Variants in YY1 observed in about 807,000 individuals in gnomAD.
The protein encoded by YY1 is transcriptional repressor protein YY1.
In YY1, 2 loss-of-function variants were observed where a neutral mutation model predicts 35.6. The observed-to-expected ratio is 0.06, with a 90% CI of 0.02 to 0.18. The LOEUF is 0.18. Among genes scored for constraint, YY1 ranks in the 10% least tolerant of loss-of-function variants. The pLI is 1.00. For synonymous variants in YY1, 268 were observed against 238.9 expected, an observed-to-expected ratio of 1.12 and a Z score of -1.12; for missense variants, 322 against 573.4, an observed-to-expected ratio of 0.56 and a Z score of 4.48.
chr14:100,242,397 T>G (rs557798953), intron 1 of YY1, among the ~76,000 whole-genome samples: 2,232 of 146,038 alleles, frequency 0.015, 84 homozygotes, highest in African/African-American at 0.053. Context: ...TTTTTTTTTT[T>G]TTTTTTTTTG....
intron 2 of YY1, among the ~76,000 whole-genome samples, chr14:100,265,839 A>C (rs1891146574): frequency 6.6e-6 from 1 of 151,876 alleles, no homozygotes; most frequent in East Asian, 1.9e-4. Flanking sequence ...CATAGAGACA[A>C]GGTTTCACCA....
rs1891438717 is a variant in YY1, at chr14:100,281,872, AT to A, written c.*4275del. The A allele has an allele frequency of 6.6e-6, 1 of 152,326 alleles. No individual in the cohort carries two copies. The highest frequency in any genetic ancestry group is 2.4e-5 in the African/African-American group (1 of 41,564). 9.4% of individuals were successfully genotyped at this position (152,326 alleles called of 1,614,324 possible). On this transcript the variant is annotated 3_prime_UTR_variant, in exon 5 of 5. Coordinates refer to ENST00000262238, the MANE Select transcript of YY1 (RefSeq NM_003403.5). ...TGGCCTCTGACCCACAAGAGGGCAG[AT>A]TTGTGGCCAAGAGGCTTCCTGGCAT... is the stretch of plus-strand genomic sequence containing the variant.
intron 1 of YY1, among the ~76,000 whole-genome samples, chr14:100,255,946 T>C (rs78473630): frequency 0.011 from 1,616 of 152,292 alleles, 32 homozygotes; most frequent in African/African-American, 0.037. Flanking sequence ...TCTTTTTCAG[T>C]AGATAATCTT....
At chr14:100,245,361 G>C (rs1478114137) in intron 1 of YY1, among the ~76,000 whole-genome samples, 1 of 152,110 alleles carries the variant, frequency 6.6e-6, no homozygotes, top group Non-Finnish European at 1.5e-5. Context: ...TGCCTAGGCT[G>C]GCCTTGAATT....
At chr14:100,243,238 CTG>C (rs1214952325) in intron 1 of YY1, among the ~76,000 whole-genome samples, 1 of 152,180 alleles carries the variant, frequency 6.6e-6, no homozygotes, top group Non-Finnish European at 1.5e-5. Flanking sequence ...TTGGGTAAAT[CTG>C]TATGTATGTG....
chr14:100,273,552 A>G (rs909705187), intron 2 of YY1, among the ~76,000 whole-genome samples: 1 of 151,584 alleles, frequency 6.6e-6, no homozygotes, highest in African/African-American at 2.4e-5. Context: ...TTTTGTAGAG[A>G]CAGAGTCTCA....
chr14:100,267,905 C>T (rs1956583401), intron 2 of YY1, among the ~76,000 whole-genome samples: 1 of 152,234 alleles, frequency 6.6e-6, no homozygotes, highest in Non-Finnish European at 1.5e-5. Flanking sequence ...ACTGTTTGCA[C>T]CTAGGTGCCC....
At chr14:100,250,382 A>C (rs905502917) in intron 1 of YY1, among the ~76,000 whole-genome samples, 1 of 152,064 alleles carries the variant, frequency 6.6e-6, no homozygotes, top group Non-Finnish European at 1.5e-5. Flanking sequence ...TTTTTGCCAG[A>C]AGTAACCTGG....
chr14:100,247,770 T>C (rs1890855286), intron 1 of YY1, among the ~76,000 whole-genome samples: 1 of 152,144 alleles, frequency 6.6e-6, no homozygotes, highest in African/African-American at 2.4e-5. Context: ...TCCATTCTGT[T>C]TAACTTCATG....
chr14:100,260,446 T>TACACAC (rs71113252), intron 1 of YY1, among the ~76,000 whole-genome samples: 7 of 139,374 alleles, frequency 5.0e-5, no homozygotes, highest in African/African-American at 1.1e-4. Context: ...TATATATATA[T>TACACAC]ACACACACAC....
Position 100,249,760 on chromosome 14 carries a change from G to GTTTTGTT in YY1, c.679+9840_679+9841insTGTTTTT, listed in dbSNP as rs34925666. 9.1e-5 allele frequency among the ~76,000 whole-genome samples: 13 copies of GTTTTGTT among 143,052 alleles called. No homozygotes were observed. The East Asian group carries it at 2.7e-3, about 29-fold the overall frequency. The allele number at this position is 143,052 out of a possible 152,430, so 93.8% of individuals were successfully genotyped here. ...TTTGCTACTTACCGTTTTTTTTTTTGTTTGTTTTTGTTTTTGTTTTTGTTT... is the reference window on the plus strand; with the variant it reads ...TTTGCTACTTACCGTTTTTTTTTTTGTTTTGTTTTTGTTTTTGTTTTTGTTTTTGTTT... On this transcript the variant is annotated intron_variant, in intron 1 of 4. Transcript: ENST00000262238.
chr14:100,241,259 T>C (rs1415094478), intron 1 of YY1, among the ~76,000 whole-genome samples: 1 of 152,238 alleles, frequency 6.6e-6, no homozygotes, highest in Non-Finnish European at 1.5e-5. Context: ...CTCTTCCCTA[T>C]AAGTACTTTA....
At chr14:100,248,283 T>A (rs942401872) in intron 1 of YY1, among the ~76,000 whole-genome samples, 1 of 151,804 alleles carries the variant, frequency 6.6e-6, no homozygotes, top group African/African-American at 2.4e-5. Context: ...GCCTGGCTAA[T>A]TTTTTTTCTT....
chr14:100,256,572 T>G (rs980026236), intron 1 of YY1, among the ~76,000 whole-genome samples: 13 of 152,246 alleles, frequency 8.5e-5, no homozygotes, highest in African/African-American at 3.1e-4. Flanking sequence ...AACATTATGC[T>G]TAGTGAAATA....
rs1319757216 is a variant in YY1 at position 100,281,919 on chromosome 14, T to A, written c.*4319T>A. The A allele has an allele frequency of 6.6e-6, 1 of 152,148 alleles. No individual in the cohort carries two copies. The highest frequency in any genetic ancestry group is 1.5e-5 in the Non-Finnish European group (1 of 68,068). 9.4% of individuals were successfully genotyped at this position (152,148 alleles called of 1,614,324 possible). On this transcript the variant is annotated 3_prime_UTR_variant, in exon 5 of 5. Transcript: ENST00000262238. ...GGCATCCACCCCCAGGCCCAAGGGA[T>A]CAGTGTGGTGCCAGAGAGGATCTTT... is the stretch of plus-strand genomic sequence containing the variant.
At chr14:100,275,778 T>C (rs1891309589) in intron 3 of YY1, 1 of 153,320 alleles carries the variant, frequency 6.5e-6, no homozygotes, top group African/African-American at 2.4e-5. Context: ...TGCTGTCTTA[T>C]CATTTCCCCA....
chr14:100,252,878 GA>G (rs374460768), intron 1 of YY1, among the ~76,000 whole-genome samples: 62 of 149,862 alleles, frequency 4.1e-4, no homozygotes, highest in African/African-American at 1.3e-3. Flanking sequence ...TCTCTACCAG[GA>G]AAAAAAAAAT....
intron 1 of YY1, among the ~76,000 whole-genome samples, chr14:100,247,919 C>T (rs1367468525): frequency 6.6e-6 from 1 of 152,094 alleles, no homozygotes; most frequent in Non-Finnish European, 1.5e-5. Context: ...AATTCTATTC[C>T]TTTACAAACA....
intron 1 of YY1, among the ~76,000 whole-genome samples, chr14:100,249,796 CAG>C (rs1328917345): frequency 6.9e-5 from 6 of 86,568 alleles, no homozygotes; most frequent in Admixed American, 2.4e-4. Context: ...TTTTTTGAGA[CAG>C]AGTCTTGCTC....
Sources: gnomAD v4.1 joint callset for allele counts (sites outside exome capture counted in the v4.1 genomes callset) on GRCh38, gnomAD v4.1.1 for gene constraint, MANE v1.5 for transcripts, NCBI Gene and HGNC (gene_info 2026-07-23, HGNC 2026-07-21) for gene names.